MECOM: variants seen among roughly 807,000 people sequenced by gnomAD.
MECOM encodes MDS1 and EVI1 complex locus, also known as histone-lysine N-methyltransferase MECOM.
A neutral mutation model predicts 116.3 loss-of-function variants in MECOM; 13 were observed. The ratio of observed to expected loss-of-function variants is 0.11; its 90% confidence interval spans 0.07 to 0.18. The LOEUF is 0.18. Among genes scored for constraint, MECOM ranks in the 10% least tolerant of loss-of-function variants. The pLI is 1.00. For synonymous variants in MECOM, 528 were observed against 535.2 expected (o/e 0.99, Z 0.19); for missense variants, 1,299 against 1,509.0 (o/e 0.86, Z 2.31).
chr3:169,104,870 T>C (rs767029992), intron 10 of MECOM, among the ~76,000 whole-genome samples: 7 of 152,158 alleles, frequency 4.6e-5, no homozygotes, highest in Non-Finnish European at 1.0e-4. Flanking sequence ...CTGTTTCGAT[T>C]TGGGAAAACC....
intron 1 of MECOM, among the ~76,000 whole-genome samples, chr3:169,387,282 A>G (rs549885607): frequency 1.2e-4 from 19 of 152,320 alleles, no homozygotes; most frequent in African/African-American, 4.6e-4. Context: ...GATTTCATTT[A>G]TTTGAGCGCC....
intron 1 of MECOM, among the ~76,000 whole-genome samples, chr3:169,492,637 A>AAAT (rs1310772493): frequency 6.6e-6 from 1 of 152,208 alleles, no homozygotes; most frequent in Non-Finnish European, 1.5e-5. Context: ...GTTATTAAAG[A>AAAT]AATAGTAATA....
intron 1 of MECOM, among the ~76,000 whole-genome samples, chr3:169,489,159 A>G (rs1206891298): frequency 6.6e-6 from 1 of 152,178 alleles, no homozygotes; most frequent in Admixed American, 6.5e-5. Context: ...AGAAAAATAA[A>G]ACTTACTGAA....
At chr3:169,609,648 C>T (rs6762435) in intron 1 of MECOM, among the ~76,000 whole-genome samples, 28,844 of 151,992 alleles carry the variant, frequency 0.19, 2,975 homozygotes, top group East Asian at 0.26. Flanking sequence ...ATTATAGTCT[C>T]TGTAAATAAA....
intron 2 of MECOM, among the ~76,000 whole-genome samples, chr3:169,304,855 T>C (rs532442198): frequency 2.9e-4 from 44 of 152,200 alleles, no homozygotes; most frequent in Non-Finnish European, 6.0e-4. Flanking sequence ...TAATTAGATA[T>C]CTCTCTTTCC....
At chr3:169,401,131 G>A (rs564084263) in intron 1 of MECOM, among the ~76,000 whole-genome samples, 83 of 152,232 alleles carry the variant, frequency 5.5e-4, no homozygotes, top group African/African-American at 9.9e-4. Context: ...GTTAAGTGCC[G>A]GGATCTGGGC....
chr3:169,414,616 G>T (rs1168121352), intron 1 of MECOM, among the ~76,000 whole-genome samples: 1 of 152,188 alleles, frequency 6.6e-6, no homozygotes, highest in Non-Finnish European at 1.5e-5. Context: ...CTAACTCAAT[G>T]CAAGGAAGCT....
intron 1 of MECOM, chr3:169,476,741 C>G (rs999832857): frequency 1.3e-5 from 2 of 151,866 alleles, no homozygotes; most frequent in South Asian, 4.2e-4. Flanking sequence ...CTCCTGTGAC[C>G]CTAATCCACA....
intron 1 of MECOM, among the ~76,000 whole-genome samples, chr3:169,632,644 A>T (rs1003200451): frequency 1.5e-4 from 23 of 152,290 alleles, no homozygotes; most frequent in African/African-American, 5.1e-4. Context: ...CAAACAGTAG[A>T]TTGGCCAGAG....
chr3:169,305,002 T>C (rs978613402), intron 2 of MECOM, among the ~76,000 whole-genome samples: 1 of 152,236 alleles, frequency 6.6e-6, no homozygotes, highest in Non-Finnish European at 1.5e-5. Context: ...AAGATTTCTT[T>C]ATTCTTTCAC....
chr3:169,606,481 G>A (rs1456402044), intron 1 of MECOM, among the ~76,000 whole-genome samples: 1 of 152,028 alleles, frequency 6.6e-6, no homozygotes, highest in East Asian at 1.9e-4. Flanking sequence ...AAACGTGTTG[G>A]TGTGCTTCTA....
intron 2 of MECOM, among the ~76,000 whole-genome samples, chr3:169,198,761 C>G (rs768162759): frequency 3.3e-5 from 5 of 151,982 alleles, no homozygotes; most frequent in Non-Finnish European, 5.9e-5. Context: ...CCACACATAA[C>G]AGGCCGGTGC....
chr3:169,128,177 T>C (rs1294390139), intron 4 of MECOM, 117 bp from the exon 5 acceptor site: 2 of 849,826 alleles, frequency 2.4e-6, no homozygotes, highest in Non-Finnish European at 3.8e-6. Flanking sequence ...ATTTCTATCT[T>C]GTCAATTTTA....
At chr3:169,188,171 T>A (rs1326443013) in intron 2 of MECOM, among the ~76,000 whole-genome samples, 1 of 152,068 alleles carries the variant, frequency 6.6e-6, no homozygotes, top group Non-Finnish European at 1.5e-5. Context: ...CCTGACAACC[T>A]TTTTTCCTTT....
intron 2 of MECOM, among the ~76,000 whole-genome samples, chr3:169,271,171 G>A (rs73879045): frequency 0.024 from 3,629 of 152,208 alleles, 163 homozygotes; most frequent in African/African-American, 0.084. Flanking sequence ...ATGCAATCCA[G>A]GTCTGGAAAT....
chr3:169,506,424 C>T (rs1349227265), intron 1 of MECOM, among the ~76,000 whole-genome samples: 6 of 151,322 alleles, frequency 4.0e-5, no homozygotes, highest in Non-Finnish European at 5.9e-5. Flanking sequence ...TTCCTCTTGA[C>T]TTCATCATTC....
At chr3:169,443,971 T>A (rs941613837) in intron 1 of MECOM, among the ~76,000 whole-genome samples, 1 of 152,158 alleles carries the variant, frequency 6.6e-6, no homozygotes, top group Non-Finnish European at 1.5e-5. Flanking sequence ...TTTCTTATAA[T>A]CCCCATATTT....
chr3:169,313,299 TTGCAG>T (rs149483455), intron 2 of MECOM, among the ~76,000 whole-genome samples: 8,559 of 152,170 alleles, frequency 0.056, 647 homozygotes, highest in African/African-American at 0.17. Context: ...AAAGTGTAAA[TTGCAG>T]TGTTTTGCTC....
chr3:169,222,870 C>T (rs530280046), intron 2 of MECOM, among the ~76,000 whole-genome samples: 1 of 152,310 alleles, frequency 6.6e-6, no homozygotes, highest in South Asian at 2.1e-4. Context: ...GTTGCAGACA[C>T]TGCAAAATTG....
Sources: allele counts gnomAD v4.1 joint callset (sites outside exome capture counted in the v4.1 genomes callset), GRCh38; gene constraint gnomAD v4.1.1; transcripts MANE v1.5; gene names NCBI Gene and HGNC (gene_info 2026-07-23, HGNC 2026-07-21).